PYHIN1: variants seen among roughly 807,000 people sequenced by gnomAD.
PYHIN1 encodes the protein pyrin and HIN domain family member 1.
A neutral mutation model predicts 43.7 loss-of-function variants in PYHIN1; 32 were observed. That is an observed-to-expected ratio of 0.73 (90% CI 0.55 to 0.98). The LOEUF is 0.98. PYHIN1 is among the 50% of genes least tolerant of loss of function. PYHIN1 has a pLI of 0.00. For missense variants in PYHIN1, 588 were observed against 589.5 expected, an observed-to-expected ratio of 1.00 and a Z score of 0.03; for synonymous variants, 205 against 203.1, an observed-to-expected ratio of 1.01 and a Z score of -0.08.
At chr1:158,967,363 G>A (rs772505558) in intron 7 of PYHIN1, among the ~76,000 whole-genome samples, 1 of 151,552 alleles carries the variant, frequency 6.6e-6, no homozygotes, top group Admixed American at 6.6e-5. Flanking sequence ...AGCTTGGAGA[G>A]GTTAGGCAAT....
chr1:158,942,172 T>C lies in PYHIN1; in HGVS notation c.775T>C (p.Leu259=), dbSNP rs200770196. ...TCATGTGAAGGTTTTAAACATCAAC[T>C]TGAAGAGGAAATTCATTAAAAAGAG... ...FFHVKVLNIN[L]KRKFIKKRII... Residue 259 remains leucine, a synonymous_variant, in exon 5 of 9, where the codon TTG becomes CTG. Transcript: ENST00000368140. 6.2e-7 allele frequency: 1 copy of C among 1,614,068 alleles called. No homozygotes were observed. The highest frequency in any genetic ancestry group is 8.5e-7 in the Non-Finnish European group (1 of 1,179,950).
chr1:158,990,288 CT>C, the PYHIN1 span, among the ~76,000 whole-genome samples: 1 of 152,144 alleles, frequency 6.6e-6, no homozygotes, highest in Admixed American at 6.5e-5. Context: ...ATATGACTGT[CT>C]AGGGGTAGAA....
At chr1:158,941,906 G>A in intron 4 of PYHIN1, 71 bp from the exon 5 acceptor site, 16 of 1,425,498 alleles carry the variant, frequency 1.1e-5, no homozygotes, top group Non-Finnish European at 1.5e-5. Context: ...GTGCCTTGAG[G>A]TCACTGAAGA....
chr1:158,958,718 G>T lies in PYHIN1; in HGVS notation c.1359+13676G>T, dbSNP rs536819971. On this transcript the variant is annotated intron_variant, in intron 7 of 8. Coordinates refer to ENST00000368140, the MANE Select transcript of PYHIN1 (RefSeq NM_152501.5). ...ACATGCATACATATGTAACTAACCT[G>T]CACAATGTGGCCATGTACCCTAAAA... 2.5e-4 allele frequency among the ~76,000 whole-genome samples: 37 copies of T among 145,824 alleles called. No individual in the cohort carries two copies. In the South Asian group the frequency reaches 6.7e-3, roughly 26 times the overall value.
intron 7 of PYHIN1, among the ~76,000 whole-genome samples, chr1:158,969,535 T>C (rs542432210): frequency 6.6e-6 from 1 of 152,166 alleles, no homozygotes; most frequent in African/African-American, 2.4e-5. Context: ...GTTTTGTTGC[T>C]GCTTTTGTTC....
intron 7 of PYHIN1, among the ~76,000 whole-genome samples, chr1:158,954,635 C>A (rs1025485200): frequency 6.8e-6 from 1 of 147,836 alleles, no homozygotes; most frequent in South Asian, 2.2e-4. Context: ...GGGTACCAGC[C>A]GCTGCAAAAT....
At chr1:158,959,662 T>G (rs1396626525) in intron 7 of PYHIN1, among the ~76,000 whole-genome samples, 1 of 152,190 alleles carries the variant, frequency 6.6e-6, no homozygotes, top group Non-Finnish European at 1.5e-5. Context: ...ACGTTTCAGA[T>G]TAGATGAGGT....
At chr1:158,948,358 C>T (rs945016656) in intron 7 of PYHIN1, among the ~76,000 whole-genome samples, 1 of 152,102 alleles carries the variant, frequency 6.6e-6, no homozygotes, top group African/African-American at 2.4e-5. Flanking sequence ...TGCTTTATGT[C>T]TGCTGCCAAA....
intron 7 of PYHIN1, chr1:158,945,435 T>A (rs1021232124): frequency 6.4e-6 from 1 of 155,384 alleles, no homozygotes; most frequent in Non-Finnish European, 1.4e-5. Flanking sequence ...AAATAAATAT[T>A]CGAAGTATAT....
In PYHIN1 at chr1:158,937,242, G is replaced by A. The variant is rs901388560; in HGVS notation, c.265+67G>A. The A allele has an allele frequency of 1.2e-5, 18 of 1,478,874 alleles. No individual in the cohort carries two copies. In the African/African-American group the frequency reaches 1.3e-4, roughly 10 times the overall value. The allele number at this position is 1,478,874 out of a possible 1,614,324, so 91.6% of individuals were successfully genotyped here. On this transcript the variant is annotated intron_variant, in intron 2 of 8. Transcript: ENST00000368140. The stretch of plus-strand genomic sequence containing the variant: ...CACCCTTCCCAACCTTGATTAGAAC[G>A]CCACCTTGGTCGTAGCTGATACATC...
rs1369868568 is a variant in PYHIN1 at position 158,976,852 on chromosome 1, A to ATATGTATATG, written c.*160_*161insGTATATGTAT. ...AGCACAGAAAATAATATATGTATAT[A>ATATGTATATG]TATCTGGTTGAAATACTATATATAT... On this transcript the variant is annotated 3_prime_UTR_variant, in exon 9 of 9. Coordinates refer to ENST00000368140, the MANE Select transcript of PYHIN1 (RefSeq NM_152501.5). The ATATGTATATG allele has an allele frequency of 5.9e-6, 2 of 338,612 alleles. No homozygotes were observed. The highest frequency in any genetic ancestry group is 4.7e-5 in the African/African-American group (2 of 42,348). The allele number at this position is 338,612 out of a possible 1,614,324, so 21.0% of individuals were successfully genotyped here.
chr1:158,990,405 C>T, the PYHIN1 span, among the ~76,000 whole-genome samples: 1 of 151,632 alleles, frequency 6.6e-6, no homozygotes, highest in Non-Finnish European at 1.5e-5. Flanking sequence ...TGACAGACAA[C>T]ATTATATGTT....
chr1:158,981,595 G>A (rs1418040997), downstream of PYHIN1, among the ~76,000 whole-genome samples: 2 of 152,180 alleles, frequency 1.3e-5, no homozygotes, highest in African/African-American at 2.4e-5. Flanking sequence ...TCAAATGTTA[G>A]TTCTGTTTTA....
chr1:158,979,621 C>T (rs1250002912), downstream of PYHIN1, among the ~76,000 whole-genome samples: 1 of 152,122 alleles, frequency 6.6e-6, no homozygotes, highest in Non-Finnish European at 1.5e-5. Context: ...TTGAATAATA[C>T]TGTAATGTAC....
At chr1:158,964,876 T>A (rs1426399866) in intron 7 of PYHIN1, among the ~76,000 whole-genome samples, 1 of 152,114 alleles carries the variant, frequency 6.6e-6, no homozygotes, top group Non-Finnish European at 1.5e-5. Context: ...GGATCAAATC[T>A]GCAGATGTCA....
intron 7 of PYHIN1, among the ~76,000 whole-genome samples, chr1:158,946,565 A>T (rs1368173766): frequency 6.6e-6 from 1 of 152,000 alleles, no homozygotes; most frequent in Admixed American, 6.6e-5. Context: ...ATAGATAGAT[A>T]GATAGATAGA....
intron 7 of PYHIN1, among the ~76,000 whole-genome samples, chr1:158,958,783 AT>A (rs1650132863): frequency 1.6e-5 from 2 of 128,570 alleles, no homozygotes; most frequent in African/African-American, 5.4e-5. Flanking sequence ...AAAAAAATAA[AT>A]TAAAAAAAAA....
chr1:158,942,538 G>A, intron 5 of PYHIN1, 139 bp downstream of exon 5: 1 of 648,336 alleles, frequency 1.5e-6, no homozygotes, highest in Non-Finnish European at 2.5e-6. Flanking sequence ...AGTAGATAAA[G>A]TCTTCTTCGA....
intron 7 of PYHIN1, among the ~76,000 whole-genome samples, chr1:158,966,288 A>T (rs1399356325): frequency 6.6e-6 from 1 of 152,156 alleles, no homozygotes; most frequent in Admixed American, 6.5e-5. Context: ...GCCAAATGCT[A>T]TCAGATGCAT....
Sources: gnomAD v4.1 joint callset for allele counts (sites outside exome capture counted in the v4.1 genomes callset) on GRCh38, gnomAD v4.1.1 for gene constraint, MANE v1.5 for transcripts, NCBI Gene and HGNC (gene_info 2026-07-23, HGNC 2026-07-21) for gene names.